MRPL48: variants seen among roughly 807,000 people sequenced by gnomAD.
MRPL48 encodes mitochondrial ribosomal protein L48.
A neutral mutation model predicts 32.9 loss-of-function variants in MRPL48; 16 were observed. The ratio of observed to expected loss-of-function variants is 0.49; its 90% CI spans 0.33 to 0.74. The LOEUF (loss-of-function observed/expected upper bound fraction) is 0.74, where lower values mean the gene tolerates loss of function less well. Among genes scored for constraint, MRPL48 ranks in the 30% least tolerant of loss-of-function variants. MRPL48 has a pLI of 0.02. For missense variants in MRPL48, 206 were observed against 245.3 expected (o/e 0.84, Z 1.07); for synonymous variants, 94 against 89.2 (o/e 1.05, Z -0.31).
At chr11:73,788,154 G>A (rs1294272675) in intron 1 of MRPL48, among the ~76,000 whole-genome samples, 162 bp downstream of exon 1, 3 of 152,090 alleles carry the variant, frequency 2.0e-5, no homozygotes, top group East Asian at 3.9e-4. Flanking sequence ...CGGCTGCCTG[G>A]CGTTGAAGGG....
intron 3 of MRPL48, chr11:73,822,958 C>A: frequency 2.2e-6 from 1 of 453,152 alleles, no homozygotes; most frequent in Non-Finnish European, 4.4e-6. Context: ...TTGAGCACTA[C>A]TCATTCTGAG....
At chr11:73,845,594 G>A (rs1948273756) in intron 5 of MRPL48, among the ~76,000 whole-genome samples, 1 of 151,770 alleles carries the variant, frequency 6.6e-6, no homozygotes, top group Non-Finnish European at 1.5e-5. Flanking sequence ...GCAACATAGC[G>A]AGACCTCGTC....
At chr11:73,858,697 A>G (rs773066693) in intron 5 of MRPL48, among the ~76,000 whole-genome samples, 1 of 152,230 alleles carries the variant, frequency 6.6e-6, no homozygotes, top group Non-Finnish European at 1.5e-5. Flanking sequence ...CAGTTTGATG[A>G]ACTTTTTGAT....
chr11:73,829,592 G>T (rs1053065607), intron 4 of MRPL48, among the ~76,000 whole-genome samples: 2 of 152,026 alleles, frequency 1.3e-5, no homozygotes, highest in Non-Finnish European at 2.9e-5. Flanking sequence ...CTAGTCTTCC[G>T]GTCCTGGGTT....
chr11:73,818,572 A>G (rs1344233174), intron 3 of MRPL48, among the ~76,000 whole-genome samples: 1 of 152,232 alleles, frequency 6.6e-6, no homozygotes, highest in East Asian at 1.9e-4. Flanking sequence ...TTTTAAATAT[A>G]CACTTACTGA....
At chr11:73,856,922 A>T (rs932339074) in intron 5 of MRPL48, among the ~76,000 whole-genome samples, 1 of 152,100 alleles carries the variant, frequency 6.6e-6, no homozygotes, top group South Asian at 2.1e-4. Flanking sequence ...AAATAAAAAA[A>T]CCCATACGTA....
At chr11:73,791,174 C>T (rs903059618) in intron 1 of MRPL48, among the ~76,000 whole-genome samples, 16 of 151,888 alleles carry the variant, frequency 1.1e-4, no homozygotes, top group African/African-American at 3.6e-4. Context: ...CGTGTGCCAC[C>T]ATGCCTGGCC....
At chr11:73,838,337 G>A (rs1462853733) in intron 4 of MRPL48, among the ~76,000 whole-genome samples, 1 of 152,214 alleles carries the variant, frequency 6.6e-6, no homozygotes, top group Non-Finnish European at 1.5e-5. Context: ...ACTGAAATAT[G>A]TATTGTAATA....
At chr11:73,792,589 A>G in intron 1 of MRPL48, among the ~76,000 whole-genome samples, 1 of 152,244 alleles carries the variant, frequency 6.6e-6, no homozygotes, top group East Asian at 1.9e-4. Flanking sequence ...TTAGGAGGAC[A>G]TTAAAAGACA....
chr11:73,811,680 T>C (rs1330088250), intron 3 of MRPL48, among the ~76,000 whole-genome samples: 1 of 152,186 alleles, frequency 6.6e-6, no homozygotes, highest in East Asian at 1.9e-4. Context: ...AAAGTTTATT[T>C]TGAATTGGTA....
intron 4 of MRPL48, among the ~76,000 whole-genome samples, chr11:73,828,245 T>A (rs977573520): frequency 1.3e-5 from 2 of 150,702 alleles, no homozygotes; most frequent in Non-Finnish European, 3.0e-5. Flanking sequence ...TTTTTTTTTT[T>A]AAATAGAATC....
chr11:73,849,502 C>A (rs1171873129), intron 5 of MRPL48, among the ~76,000 whole-genome samples: 1 of 152,178 alleles, frequency 6.6e-6, no homozygotes, highest in Non-Finnish European at 1.5e-5. Context: ...CAAATAAAAT[C>A]ATATAGTATT....
chr11:73,864,239 C>G, intron 7 of MRPL48, 57 bp from the exon 8 acceptor site: 1 of 1,522,600 alleles, frequency 6.6e-7, no homozygotes, highest in Non-Finnish European at 9.0e-7. Context: ...CTGTGCATAT[C>G]TGGGTAACTA....
chr11:73,795,688 A>T (rs1447716056), intron 1 of MRPL48, among the ~76,000 whole-genome samples: 7 of 125,082 alleles, frequency 5.6e-5, no homozygotes, highest in African/African-American at 2.3e-4. Context: ...TTTTTTTTTT[A>T]GTAGAGATGG....
At chr11:73,804,153 C>T (rs968119767) in intron 1 of MRPL48, among the ~76,000 whole-genome samples, 3 of 152,230 alleles carry the variant, frequency 2.0e-5, no homozygotes, top group South Asian at 2.1e-4. Flanking sequence ...CTCCTGACCT[C>T]GTGATCCACC....
At chr11:73,840,267 C>T (rs566793976) in intron 4 of MRPL48, among the ~76,000 whole-genome samples, 5 of 151,778 alleles carry the variant, frequency 3.3e-5, no homozygotes, top group South Asian at 2.1e-4. Flanking sequence ...CCAAGGCTGG[C>T]GGATCACTTG....
chr11:73,857,104 A>G (rs139981591), intron 5 of MRPL48, among the ~76,000 whole-genome samples: 13 of 151,344 alleles, frequency 8.6e-5, no homozygotes, highest in African/African-American at 3.1e-4. Flanking sequence ...ATCTCTTTAA[A>G]ACACTCACAG....
At chr11:73,848,025 C>T (rs1445476731) in intron 5 of MRPL48, among the ~76,000 whole-genome samples, 1 of 152,170 alleles carries the variant, frequency 6.6e-6, no homozygotes, top group Admixed American at 6.5e-5. Context: ...CTTATGGTTT[C>T]TGCTTTTTCT....
intron 3 of MRPL48, among the ~76,000 whole-genome samples, chr11:73,812,035 G>C (rs1390241699): frequency 1.3e-5 from 2 of 152,064 alleles, no homozygotes; most frequent in African/African-American, 2.4e-5. Flanking sequence ...ACAGGCACCT[G>C]CCACCACGCC....
Sources: allele counts gnomAD v4.1 joint callset (sites outside exome capture counted in the v4.1 genomes callset), GRCh38; gene constraint gnomAD v4.1.1; transcripts MANE v1.5; gene names NCBI Gene and HGNC (gene_info 2026-07-23, HGNC 2026-07-21).